RPRD1B: variants seen among roughly 807,000 people sequenced by gnomAD.
RPRD1B encodes regulation of nuclear pre-mRNA domain containing 1B.
A neutral mutation model predicts 41.5 loss-of-function variants in RPRD1B; 11 were observed. The observed-to-expected ratio is 0.27, with a 90% CI of 0.17 to 0.44. The LOEUF (loss-of-function observed/expected upper bound fraction) is 0.44, where lower values mean the gene tolerates loss of function less well. Among genes scored for constraint, RPRD1B ranks in the 20% least tolerant of loss-of-function variants. The probability of loss-of-function intolerance (pLI) is 1.00; values close to 1 mark genes in which losing one functional copy is unlikely to be tolerated. For missense variants in RPRD1B, 248 were observed against 389.9 expected, an observed-to-expected ratio of 0.64 and a Z score of 3.06; for synonymous variants, 158 against 155.6, an observed-to-expected ratio of 1.02 and a Z score of -0.12.
At chr20:38,034,711 AC>A (rs1259436468) in intron 1 of RPRD1B, among the ~76,000 whole-genome samples, 1 of 152,122 alleles carries the variant, frequency 6.6e-6, no homozygotes, top group Non-Finnish European at 1.5e-5. Context: ...TTAAGGGGCC[AC>A]CCAGACCTTA....
At chr20:38,039,407 C>CTTTTTTTTTTTTTTTTTTTTTTTT (rs1165738530) in intron 1 of RPRD1B, among the ~76,000 whole-genome samples, 47 of 141,720 alleles carry the variant, frequency 3.3e-4, no homozygotes, top group African/African-American at 1.1e-3. Context: ...TACAAGAAAC[C>CTTTTTTTTTTTTTTTTTTTTTTTT]TTTTTTTTTT....
At chr20:38,061,063 GT>G (rs2074292329) in intron 5 of RPRD1B, among the ~76,000 whole-genome samples, 1 of 152,248 alleles carries the variant, frequency 6.6e-6, no homozygotes, top group South Asian at 2.1e-4. Flanking sequence ...TTGTTTCTCT[GT>G]TTCACTGACC....
rs1226792537 is a variant in RPRD1B at position 38,090,567 on chromosome 20, A to G, written c.*692A>G. 1.0e-6 allele frequency: 1 copy of G among 985,712 alleles called. No individual in the cohort carries two copies. Among genetic ancestry groups the G allele is most frequent in the Non-Finnish European group, 1.2e-6 (1 of 829,956 alleles). 61.1% of individuals were successfully genotyped at this position (985,712 alleles called of 1,614,324 possible). On this transcript the variant is annotated 3_prime_UTR_variant, in exon 7 of 7. Coordinates refer to ENST00000373433, the MANE Select transcript of RPRD1B (RefSeq NM_021215.4). ...AACAGGGATCACAAGCATGAATTAA[A>G]AGGAATTTATTTGCTTCAAGTTCCT...
At chr20:38,058,718 CCTT>C (rs984183907) in intron 4 of RPRD1B, among the ~76,000 whole-genome samples, 11 of 152,036 alleles carry the variant, frequency 7.2e-5, no homozygotes, top group Non-Finnish European at 1.3e-4. Context: ...TTTTCCTTCT[CCTT>C]CTTGAGACAG....
rs2074599624 is a variant in RPRD1B at position 38,090,023 on chromosome 20, T to C, written c.*148T>C. 3 of 1,435,788 alleles carry C rather than the reference T, an allele frequency of 2.1e-6. No individual in the cohort carries two copies. The highest frequency in any genetic ancestry group is 2.5e-5 in the East Asian group (1 of 40,412). The allele number at this position is 1,435,788 out of a possible 1,614,324, so 88.9% of individuals were successfully genotyped here. ...AAAGAACCTCAGACTCTGATTCTCC[T>C]CTTCAGCCTCTCATCTTGAGCACAG... On this transcript the variant is annotated 3_prime_UTR_variant, in exon 7 of 7. Transcript: ENST00000373433.
In RPRD1B at chr20:38,092,164, C is replaced by T. The variant is rs2074616738; in HGVS notation, c.*2289C>T. The T allele has an allele frequency of 1.0e-6, 1 of 985,544 alleles. No individual in the cohort carries two copies. The highest frequency in any genetic ancestry group is 1.2e-6 in the Non-Finnish European group (1 of 829,846). The allele number at this position is 985,544 out of a possible 1,614,324, so 61.0% of individuals were successfully genotyped here. ...CATCTGTAGGCCTCAAAGGACCTTT[C>T]CTTTAGGTCATATTCCTCAGAAAGT... On this transcript the variant is annotated 3_prime_UTR_variant, in exon 7 of 7. Transcript: ENST00000373433.
chr20:38,038,880 A>G (rs893961186), intron 1 of RPRD1B, among the ~76,000 whole-genome samples: 1 of 152,184 alleles, frequency 6.6e-6, no homozygotes, highest in South Asian at 2.1e-4. Context: ...AAAAGAAACA[A>G]CTGGTTTCAG....
intron 1 of RPRD1B, among the ~76,000 whole-genome samples, chr20:38,038,221 G>C (rs1213603007): frequency 6.6e-6 from 1 of 151,956 alleles, no homozygotes; most frequent in Admixed American, 6.5e-5. Context: ...AATTTTATGA[G>C]CATTTAAGAC....
At chr20:38,047,008 T>C (rs757118085) in intron 2 of RPRD1B, among the ~76,000 whole-genome samples, 1 of 152,186 alleles carries the variant, frequency 6.6e-6, no homozygotes, top group Non-Finnish European at 1.5e-5. Flanking sequence ...ATGAGGCTAC[T>C]GTAGTAATGC....
chr20:38,081,383 A>T (rs928783552), intron 6 of RPRD1B, among the ~76,000 whole-genome samples: 1 of 152,106 alleles, frequency 6.6e-6, no homozygotes, highest in Non-Finnish European at 1.5e-5. Flanking sequence ...TAGAAATGCT[A>T]CTGATTTTTG....
chr20:38,082,363 A>G (rs2074521046), intron 6 of RPRD1B, among the ~76,000 whole-genome samples: 1 of 151,502 alleles, frequency 6.6e-6, no homozygotes, highest in African/African-American at 2.4e-5. Context: ...TTGAACTTGT[A>G]TTTTCTTTTT....
rs574192350 is a variant in RPRD1B at position 38,040,610 on chromosome 20, C to T, written c.281+46C>T. Reference sequence around the variant, plus strand: ...ATTTGTTTTTAAATTCATTGCCTTTCCCACCTTTTTGTTCTTTCCTTTTCT... The same window carrying T: ...ATTTGTTTTTAAATTCATTGCCTTTTCCACCTTTTTGTTCTTTCCTTTTCT... On this transcript the variant is annotated intron_variant, in intron 2 of 6. Transcript: ENST00000373433. The T allele has an allele frequency of 1.1e-5, 17 of 1,572,566 alleles. No homozygotes were observed. In the South Asian group the frequency reaches 2.0e-4, roughly 19 times the overall value.
chr20:38,044,253 A>G (rs140551393), intron 2 of RPRD1B, among the ~76,000 whole-genome samples: 2 of 152,226 alleles, frequency 1.3e-5, no homozygotes, highest in East Asian at 3.9e-4. Flanking sequence ...TGTGATGTGT[A>G]TGATGTGTAA....
intron 2 of RPRD1B, among the ~76,000 whole-genome samples, chr20:38,042,300 G>A (rs1369093110): frequency 6.6e-6 from 1 of 152,094 alleles, no homozygotes; most frequent in Non-Finnish European, 1.5e-5. Flanking sequence ...GCTGTAGTGA[G>A]CTATAATCAT....
At position 38,090,264 on chromosome 20, in the gene RPRD1B, T is replaced by TTTCTGGGCTGGGCTTG; in HGVS notation, c.*393_*408dup. On this transcript the variant is annotated 3_prime_UTR_variant, in exon 7 of 7. Transcript: ENST00000373433. ...ATTTTATCATGAAAGCAGCTTCTCC[T>TTTCTGGGCTGGGCTTG]TTCTGGGCTGGGCTTGTTCAAGTTC... The TTTCTGGGCTGGGCTTG allele has an allele frequency of 1.0e-6, 1 of 990,860 alleles. No homozygotes were observed. The highest frequency in any genetic ancestry group is 1.2e-6 in the Non-Finnish European group (1 of 833,046). The allele number at this position is 990,860 out of a possible 1,614,324, so 61.4% of individuals were successfully genotyped here.
intron 2 of RPRD1B, among the ~76,000 whole-genome samples, chr20:38,045,301 T>C (rs1367716725): frequency 2.0e-5 from 3 of 152,248 alleles, no homozygotes; most frequent in Non-Finnish European, 4.4e-5. Context: ...CCTGAAAATA[T>C]TTCTCTTTCT....
chr20:38,080,537 T>A (rs1308793242), intron 6 of RPRD1B, among the ~76,000 whole-genome samples: 1 of 152,228 alleles, frequency 6.6e-6, no homozygotes, highest in African/African-American at 2.4e-5. Context: ...ATTTATTTAT[T>A]TTTTTGAGTC....
chr20:38,041,859 T>A (rs2074069410), intron 2 of RPRD1B, among the ~76,000 whole-genome samples: 1 of 152,234 alleles, frequency 6.6e-6, no homozygotes, highest in African/African-American at 2.4e-5. Flanking sequence ...GTTCCACATT[T>A]GCTCATTCAT....
chr20:38,092,090 G>T lies in RPRD1B; in HGVS notation c.*2215G>T. On this transcript the variant is annotated 3_prime_UTR_variant, in exon 7 of 7. Transcript: ENST00000373433. ...CCTCCTTGTATGTATGAGGTGACTT[G>T]GTGGGTGGGGTGGGTGGTTTTTGTT... 1.3e-5 allele frequency: 13 copies of T among 985,708 alleles called. No individual in the cohort carries two copies. The highest frequency in any genetic ancestry group is 1.6e-5 in the Non-Finnish European group (13 of 829,912). 61.1% of individuals were successfully genotyped at this position (985,708 alleles called of 1,614,324 possible).
Sources: allele counts gnomAD v4.1 joint callset (sites outside exome capture counted in the v4.1 genomes callset), GRCh38; gene constraint gnomAD v4.1.1; transcripts MANE v1.5; gene names NCBI Gene and HGNC (gene_info 2026-07-23, HGNC 2026-07-21).